The following UNC5D variants were observed in gnomAD, a reference collection of about 807,000 sequenced individuals.
The protein encoded by UNC5D is netrin receptor UNC5D.
Under a neutral mutation model 105.4 loss-of-function variants are expected in UNC5D, and 39 were observed. The observed-to-expected ratio is 0.37, with a 90% confidence interval of 0.29 to 0.48. The LOEUF is 0.48. UNC5D is among the 20% of genes least tolerant of loss of function. The pLI is 0.98. For synonymous variants in UNC5D, 452 were observed against 450.4 expected, an observed-to-expected ratio of 1.00 and a Z score of -0.04; for missense variants, 991 against 1,202.4, an observed-to-expected ratio of 0.82 and a Z score of 2.60.
intron 1 of UNC5D, among the ~76,000 whole-genome samples, chr8:35,331,128 C>G (rs1563319451): frequency 6.6e-6 from 1 of 151,948 alleles, no homozygotes; most frequent in Non-Finnish European, 1.5e-5. Flanking sequence ...GATTAAGAGA[C>G]AGGAAAAAGA....
chr8:35,294,504 A>G (rs2128864949), intron 1 of UNC5D, among the ~76,000 whole-genome samples: 1 of 152,154 alleles, frequency 6.6e-6, no homozygotes, highest in South Asian at 2.1e-4. Flanking sequence ...TTTTTGCTCA[A>G]AGTATCATAT....
At chr8:35,648,736 A>G (rs940338993) in intron 4 of UNC5D, among the ~76,000 whole-genome samples, 2 of 151,956 alleles carry the variant, frequency 1.3e-5, no homozygotes, top group African/African-American at 2.4e-5. Context: ...AAAGAAGTCA[A>G]TAGTGAGATA....
chr8:35,419,551 G>T (rs1416199136), intron 1 of UNC5D, among the ~76,000 whole-genome samples: 2 of 152,156 alleles, frequency 1.3e-5, no homozygotes, highest in African/African-American at 4.8e-5. Flanking sequence ...TTTTGCTTGG[G>T]GAGTCCCAAG....
chr8:35,357,341 C>A (rs1029926976), intron 1 of UNC5D, among the ~76,000 whole-genome samples: 4 of 152,150 alleles, frequency 2.6e-5, no homozygotes, highest in Non-Finnish European at 4.4e-5. Context: ...CACTTGATGT[C>A]ACAACAGTGT....
At chr8:35,325,277 G>T (rs956719877) in intron 1 of UNC5D, among the ~76,000 whole-genome samples, 2 of 152,176 alleles carry the variant, frequency 1.3e-5, no homozygotes, top group Non-Finnish European at 2.9e-5. Context: ...AATAAAACAT[G>T]CTAGTAATTA....
At position 35,235,835 on chromosome 8, in the gene UNC5D, G is replaced by T; in HGVS notation, c.51G>T (p.Trp17Cys). The change falls in exon 1 of 17, where the codon TGG (tryptophan) becomes TGT (cysteine). Residue 17 changes from tryptophan to cysteine, a missense_variant. Physicochemically the swap from Trp to Cys is radical, Grantham distance 215 (BLOSUM62 -2). Coordinates refer to ENST00000404895, the MANE Select transcript of UNC5D (RefSeq NM_080872.4). ...TAGGGGGARR[W>C]LPWLGLCFWA... ...GCGGCGGCGGAGGGGCGCGCCGCTG[G>T]CTCCCGTGGCTGGGGCTGTGCTTCT... 1 of 1,230,382 alleles carries T rather than the reference G, an allele frequency of 8.1e-7. No homozygotes were observed. The highest frequency in any genetic ancestry group is 1.0e-6 in the Non-Finnish European group (1 of 986,804). 76.2% of individuals were successfully genotyped at this position (1,230,382 alleles called of 1,614,324 possible). A position where few individuals can be genotyped will look rare whatever the true frequency, so the allele number is the denominator to read the frequency against.
chr8:35,541,831 G>A (rs2130634911), intron 1 of UNC5D, among the ~76,000 whole-genome samples: 1 of 152,070 alleles, frequency 6.6e-6, no homozygotes, highest in Non-Finnish European at 1.5e-5. Context: ...ATCTTAGTAG[G>A]CATGCACATG....
rs564650245 is a variant in UNC5D at position 35,235,487 on chromosome 8, G to A, written c.-298G>A. The A allele has an allele frequency of 8.1e-4, 229 of 282,276 alleles. 1 individual carries two copies. The highest frequency in any genetic ancestry group is 4.2e-3 in the African/African-American group (191 of 45,630). 17.5% of individuals were successfully genotyped at this position (282,276 alleles called of 1,614,324 possible). On this transcript the variant is annotated 5_prime_UTR_variant, in exon 1 of 17. Transcript: ENST00000404895. ...TCTCGCCTCCGCTCCGTAGTTCGGGGCCCGGCAGCGGCGCGAGGGCTGGGA... is the reference window on the plus strand; with the variant it reads ...TCTCGCCTCCGCTCCGTAGTTCGGGACCCGGCAGCGGCGCGAGGGCTGGGA...
chr8:35,317,283 G>T (rs1467566378), intron 1 of UNC5D, among the ~76,000 whole-genome samples: 1 of 152,068 alleles, frequency 6.6e-6, no homozygotes, highest in African/African-American at 2.4e-5. Flanking sequence ...CTAAAATAAA[G>T]AAGTCTGTTT....
intron 11 of UNC5D, among the ~76,000 whole-genome samples, chr8:35,741,420 A>G (rs1829754498): frequency 6.6e-6 from 1 of 152,038 alleles, no homozygotes; most frequent in Non-Finnish European, 1.5e-5. Flanking sequence ...TAGTACATCC[A>G]TATGCTTCTA....
At chr8:35,564,195 T>C (rs1355017925) in intron 2 of UNC5D, among the ~76,000 whole-genome samples, 2 of 152,234 alleles carry the variant, frequency 1.3e-5, no homozygotes, top group African/African-American at 4.8e-5. Flanking sequence ...GCCTACCCTA[T>C]GGTCCATTCT....
chr8:35,597,948 C>T (rs1819590715), intron 4 of UNC5D, among the ~76,000 whole-genome samples: 1 of 152,098 alleles, frequency 6.6e-6, no homozygotes, highest in African/African-American at 2.4e-5. Context: ...TGACTGTGCA[C>T]TTGACTGCGC....
At chr8:35,525,582 T>G (rs1170999297) in intron 1 of UNC5D, 2 of 1,613,058 alleles carry the variant, frequency 1.2e-6, no homozygotes, top group African/African-American at 2.7e-5. Context: ...TGAAACATAC[T>G]GTAAGTTTAT....
chr8:35,297,115 G>A (rs1311088925), intron 1 of UNC5D, among the ~76,000 whole-genome samples: 3 of 152,078 alleles, frequency 2.0e-5, no homozygotes, highest in Non-Finnish European at 4.4e-5. Context: ...AGTACCACAG[G>A]GTTCACCTCA....
At chr8:35,497,354 G>A (rs1304064670) in intron 1 of UNC5D, among the ~76,000 whole-genome samples, 1 of 152,088 alleles carries the variant, frequency 6.6e-6, no homozygotes, top group Non-Finnish European at 1.5e-5. Flanking sequence ...CTGCTTCAGG[G>A]ACAAGACTAG....
intron 1 of UNC5D, among the ~76,000 whole-genome samples, chr8:35,351,352 C>G (rs1235049356): frequency 1.3e-5 from 2 of 152,074 alleles, no homozygotes; most frequent in Non-Finnish European, 2.9e-5. Context: ...GGGGTTTTTA[C>G]ATCCCTGACA....
chr8:35,289,103 A>T (rs1310721056), intron 1 of UNC5D, among the ~76,000 whole-genome samples: 4 of 152,168 alleles, frequency 2.6e-5, no homozygotes, highest in African/African-American at 9.7e-5. Flanking sequence ...ACCCCATCCT[A>T]CCTACAAGAG....
intron 1 of UNC5D, among the ~76,000 whole-genome samples, chr8:35,268,383 TA>T (rs1805038248): frequency 6.6e-6 from 1 of 152,130 alleles, no homozygotes; most frequent in Non-Finnish European, 1.5e-5. Context: ...ATAGATTCCT[TA>T]CAATGTCTTT....
intron 4 of UNC5D, among the ~76,000 whole-genome samples, chr8:35,648,112 C>T (rs940816685): frequency 6.6e-6 from 1 of 152,060 alleles, no homozygotes; most frequent in East Asian, 1.9e-4. Context: ...TAATACAGCA[C>T]CTGCAGGAAG....
Sources: gnomAD v4.1 joint callset for allele counts (sites outside exome capture counted in the v4.1 genomes callset) on GRCh38, gnomAD v4.1.1 for gene constraint, MANE v1.5 for transcripts, NCBI Gene and HGNC (gene_info 2026-07-23, HGNC 2026-07-21) for gene names.